The following NALF1 variants were observed in gnomAD, a reference collection of about 807,000 sequenced individuals.
The protein encoded by NALF1 is NALCN channel auxiliary factor 1.
In NALF1, 3 loss-of-function variants were observed where a neutral mutation model predicts 48.4. The ratio of observed to expected loss-of-function variants is 0.06; its 90% CI spans 0.03 to 0.16. The LOEUF (loss-of-function observed/expected upper bound fraction) is 0.16. NALF1 is among the 10% of genes least tolerant of loss of function. NALF1 has a pLI of 1.00. For synonymous variants in NALF1, 262 were observed against 245.7 expected (o/e 1.07, Z -0.62); for missense variants, 526 against 571.5 (o/e 0.92, Z 0.81).
At chr13:107,757,441 A>G (rs1463121075) in intron 1 of NALF1, among the ~76,000 whole-genome samples, 2 of 134,996 alleles carry the variant, frequency 1.5e-5, no homozygotes, top group African/African-American at 5.5e-5. Flanking sequence ...TTTTCAGTCA[A>G]CAGGTACTAT....
intron 1 of NALF1, among the ~76,000 whole-genome samples, chr13:107,848,993 T>C (rs1594312692): frequency 6.6e-6 from 1 of 152,192 alleles, no homozygotes; most frequent in South Asian, 2.1e-4. Flanking sequence ...TATGGAACAC[T>C]GTCCACTTAT....
At chr13:107,329,434 A>C (rs1486860039) in intron 1 of NALF1, among the ~76,000 whole-genome samples, 2 of 152,076 alleles carry the variant, frequency 1.3e-5, no homozygotes, top group South Asian at 2.1e-4. Context: ...TTTTCCAACA[A>C]GCCTCATTTT....
intron 1 of NALF1, among the ~76,000 whole-genome samples, chr13:107,585,924 A>G (rs540697103): frequency 2.0e-5 from 3 of 152,138 alleles, no homozygotes; most frequent in Non-Finnish European, 4.4e-5. Context: ...ACTTTTGACC[A>G]TATGTTTAGC....
At chr13:107,192,895 A>C (rs1879311979) in intron 2 of NALF1, among the ~76,000 whole-genome samples, 1 of 152,176 alleles carries the variant, frequency 6.6e-6, no homozygotes, top group South Asian at 2.1e-4. Context: ...CTCCAATTCA[A>C]GTTTGTTTTA....
intron 1 of NALF1, among the ~76,000 whole-genome samples, chr13:107,305,537 G>A (rs1235250358): frequency 6.6e-6 from 1 of 152,140 alleles, no homozygotes; most frequent in Non-Finnish European, 1.5e-5. Context: ...TGTCATGAGA[G>A]GATAATGCTT....
At chr13:107,257,325 G>C (rs1444380644) in intron 1 of NALF1, among the ~76,000 whole-genome samples, 1 of 152,108 alleles carries the variant, frequency 6.6e-6, no homozygotes, top group Non-Finnish European at 1.5e-5. Context: ...TAAGACCGTT[G>C]TGACTACTGT....
At chr13:107,234,791 A>G (rs1880306281) in intron 1 of NALF1, among the ~76,000 whole-genome samples, 1 of 152,196 alleles carries the variant, frequency 6.6e-6, no homozygotes, top group South Asian at 2.1e-4. Flanking sequence ...ATGCCTTCCA[A>G]TATGGTTATA....
intron 1 of NALF1, among the ~76,000 whole-genome samples, chr13:107,810,934 T>C (rs930881088): frequency 1.1e-4 from 16 of 152,156 alleles, no homozygotes; most frequent in African/African-American, 3.6e-4. Flanking sequence ...TCTGTACAAT[T>C]CTCCACTTAT....
chr13:107,419,859 A>G (rs1884156345), intron 1 of NALF1, among the ~76,000 whole-genome samples: 1 of 152,238 alleles, frequency 6.6e-6, no homozygotes, highest in African/African-American at 2.4e-5. Flanking sequence ...ATTGCTCATT[A>G]GTTAATTCTC....
rs1878747332 is a variant in NALF1, at chr13:107,169,554, G to A, written c.*943C>T. The stretch of plus-strand genomic sequence containing the variant: ...ACTCCCCGCATCCTGATTCTAGATA[G>A]CTGCTCCTGTCCAACTGGACCAGCA... On this transcript the variant is annotated 3_prime_UTR_variant, in exon 3 of 3. Transcript: ENST00000375915. 6.6e-6 allele frequency: 1 copy of A among 152,330 alleles called. No individual in the cohort carries two copies. The highest frequency in any genetic ancestry group is 2.1e-4 in the South Asian group (1 of 4,832). The allele number at this position is 152,330 out of a possible 1,614,324, so 9.4% of individuals were successfully genotyped here. A position where few individuals can be genotyped will look rare whatever the true frequency, so the allele number is the denominator to read the frequency against.
chr13:107,598,568 A>T (rs1594151263), intron 1 of NALF1, among the ~76,000 whole-genome samples: 1 of 152,310 alleles, frequency 6.6e-6, no homozygotes, highest in East Asian at 1.9e-4. Context: ...AATTCTTCCT[A>T]TCTCCAGAAT....
chr13:107,824,003 T>G (rs971444101), intron 1 of NALF1, among the ~76,000 whole-genome samples: 3 of 151,842 alleles, frequency 2.0e-5, no homozygotes, highest in African/African-American at 7.3e-5. Context: ...TTATTATTAT[T>G]ATTGGTCCCC....
chr13:107,195,729 C>A (rs6492040), intron 2 of NALF1, among the ~76,000 whole-genome samples: 110,014 of 152,134 alleles, frequency 0.72, 40,162 homozygotes, highest in African/African-American at 0.82. Context: ...TGTTTGTTGA[C>A]TGAGTAAATT....
At chr13:107,304,400 G>A (rs1881897363) in intron 1 of NALF1, among the ~76,000 whole-genome samples, 1 of 152,182 alleles carries the variant, frequency 6.6e-6, no homozygotes, top group Admixed American at 6.5e-5. Flanking sequence ...TATACAGACA[G>A]CATAGTAAGT....
intron 1 of NALF1, among the ~76,000 whole-genome samples, chr13:107,589,036 C>T (rs1305421265): frequency 6.6e-6 from 1 of 152,028 alleles, no homozygotes; most frequent in Admixed American, 6.6e-5. Flanking sequence ...GGAGAGCAAA[C>T]ACATTACTGC....
chr13:107,701,927 T>C (rs1156750858), intron 1 of NALF1, among the ~76,000 whole-genome samples: 1 of 152,114 alleles, frequency 6.6e-6, no homozygotes, highest in African/African-American at 2.4e-5. Flanking sequence ...GCTTATCATA[T>C]TGGTTGGAAA....
At chr13:107,731,683 T>G (rs7988772) in intron 1 of NALF1, among the ~76,000 whole-genome samples, 30 of 152,114 alleles carry the variant, frequency 2.0e-4, no homozygotes, top group African/African-American at 6.8e-4. Flanking sequence ...ATTAGTTTGC[T>G]AAGGATGATG....
chr13:107,306,966 CAAACAAAACA>C (rs902809180), intron 1 of NALF1, among the ~76,000 whole-genome samples: 1 of 152,090 alleles, frequency 6.6e-6, no homozygotes, highest in Non-Finnish European at 1.5e-5. Flanking sequence ...TCAAAAAAAA[CAAACAAAACA>C]AAACAAAACA....
Position 107,859,142 on chromosome 13 carries a change from G to A in NALF1, c.915+6540C>T, listed in dbSNP as rs553025037. 7.9e-5 allele frequency among the ~76,000 whole-genome samples: 12 copies of A among 152,246 alleles called. No homozygotes were observed. In the South Asian group the frequency reaches 2.3e-3, roughly 29 times the overall value. On this transcript the variant is annotated intron_variant, in intron 1 of 2. Coordinates refer to ENST00000375915, the MANE Select transcript of NALF1 (RefSeq NM_001080396.3). ...GGAGAGGACCCAGCGATGGAAAGAA[G>A]GCACATTGACAAGGAGGAAAGGAAA...
Sources: allele counts gnomAD v4.1 joint callset (sites outside exome capture counted in the v4.1 genomes callset), GRCh38; gene constraint gnomAD v4.1.1; transcripts MANE v1.5; gene names NCBI Gene and HGNC (gene_info 2026-07-23, HGNC 2026-07-21).